MYB: variants seen among roughly 807,000 people sequenced by gnomAD.
MYB encodes the protein transcriptional activator Myb.
MYB carries 28 observed loss-of-function variants against 92.9 expected under a neutral mutation model. The observed-to-expected ratio is 0.30, with a 90% confidence interval of 0.22 to 0.41. MYB has a LOEUF of 0.41. Ranked by LOEUF, MYB falls within the 10% of genes least tolerant of loss-of-function variation. The probability of loss-of-function intolerance (pLI) is 1.00; values close to 1 mark genes in which losing one functional copy is unlikely to be tolerated. For synonymous variants in MYB, 295 were observed against 329.1 expected (o/e 0.90, Z 1.12); for missense variants, 679 against 929.3 (o/e 0.73, Z 3.50).
Position 135,217,977 on chromosome 6 carries a change from G to A in MYB, c.2283G>A (p.Met761Ile). The change falls in exon 16 of 16, where the codon ATG (methionine) becomes ATA (isoleucine). Residue 761 changes from methionine to isoleucine, a missense_variant. Transcript: ENST00000341911. ...VNAFSARTLV[M>I] ...CATTCTCAGCCCGGACGCTGGTCAT[G>A]TGAGACATTTCCAGAAAAGCATTAT... is the stretch of plus-strand genomic sequence containing the variant. 1 of 1,594,054 alleles carries A rather than the reference G, an allele frequency of 6.3e-7. No homozygotes were observed. Among genetic ancestry groups the A allele is most frequent in the Admixed American group, 1.7e-5 (1 of 59,976 alleles).
chr6:135,181,577 C>CG lies in MYB; in HGVS notation c.23+46dup. The CG allele has an allele frequency of 1.8e-6, 2 of 1,132,984 alleles. No homozygotes were observed. Among genetic ancestry groups the CG allele is most frequent in the Non-Finnish European group, 2.2e-6 (2 of 918,292 alleles). 70.2% of individuals were successfully genotyped at this position (1,132,984 alleles called of 1,614,324 possible). On this transcript the variant is annotated intron_variant, in intron 1 of 15. Coordinates refer to ENST00000341911, the MANE Select transcript of MYB (RefSeq NM_001130173.2). This position sits in a 1 kb window ranked among gnomAD's most constrained non-coding sequence, Gnocchi z 5.3. ...GCGGGCGGCCGAGGGCGGGGGCGCG[C>CG]GGGGGCGCGCGGGGCGCCAGGCTCC...
chr6:135,200,623 A>G, intron 13 of MYB: 1 of 676,086 alleles, frequency 1.5e-6, no homozygotes, highest in East Asian at 3.0e-5. Context: ...TATCTACTTC[A>G]TGTTTGGACA....
At position 135,193,934 on chromosome 6, in the gene MYB, A is replaced by T; in HGVS notation, c.843+16A>T. ...AGCCATTCAGGTAAGATCATTGATC[A>T]TTCACTGTTCAAAGCACCACTTTTA... is the stretch of plus-strand genomic sequence containing the variant. On this transcript the variant is annotated intron_variant, in intron 7 of 15. Transcript: ENST00000341911. The T allele has an allele frequency of 6.4e-7, 1 of 1,571,932 alleles. No individual in the cohort carries two copies. The highest frequency in any genetic ancestry group is 8.8e-7 in the Non-Finnish European group (1 of 1,141,850).
chr6:135,198,179 G>A lies in MYB; in HGVS notation c.1567-729G>A, dbSNP rs11962836. Among the ~76,000 whole-genome samples the A allele has an allele frequency of 8.4e-3, 1,286 of 152,266 alleles. 16 individuals are homozygous for A. The highest frequency in any genetic ancestry group is 0.03 in the African/African-American group (1,247 of 41,544). The stretch of plus-strand genomic sequence containing the variant: ...TTTCTTAGCTGGGCATAGTGGCATG[G>A]GCCTGTAGTCCTAGCTACTGGGGAA... On this transcript the variant is annotated intron_variant, in intron 10 of 15. Transcript: ENST00000341911.
In MYB at chr6:135,206,002, G is replaced by A. The variant is rs533454603; in HGVS notation, c.2169+2678G>A. The stretch of plus-strand genomic sequence containing the variant: ...GGGCGGATCACGAGGTCAGGAGATC[G>A]AGACCATCCTGGCTAACACGGTGAA... On this transcript the variant is annotated intron_variant, in intron 15 of 15. Coordinates refer to ENST00000341911, the MANE Select transcript of MYB (RefSeq NM_001130173.2). Among the ~76,000 whole-genome samples the A allele has an allele frequency of 2.0e-3, 310 of 151,904 alleles. 3 individuals are homozygous for A. The highest frequency in any genetic ancestry group is 3.2e-3 in the Non-Finnish European group (219 of 67,938).
chr6:135,213,688 C>T (rs1189798358), intron 15 of MYB, among the ~76,000 whole-genome samples: 1 of 152,102 alleles, frequency 6.6e-6, no homozygotes, highest in African/African-American at 2.4e-5. Context: ...TTGAGACTAG[C>T]CTGTGCAACA....
intron 10 of MYB, 74 bp from the exon 11 acceptor site, chr6:135,198,834 G>T: frequency 8.3e-7 from 1 of 1,205,450 alleles, no homozygotes; most frequent in Non-Finnish European, 1.2e-6. Context: ...TGTTATCTAG[G>T]TGTGATTTTT....
chr6:135,197,253 T>C lies in MYB; in HGVS notation c.1496T>C (p.Ile499Thr). 1 of 1,613,970 alleles carries C rather than the reference T, an allele frequency of 6.2e-7. No individual in the cohort carries two copies. The highest frequency in any genetic ancestry group is 1.3e-5 in the African/African-American group (1 of 75,042). ...PLATGDCSSF[I>T]FADVSSSTPK... ...GCCACTGGAGACTGTAGCTCCTTCA[T>C]ATTTGCTGACGTCAGCAGTTCAACT... The change falls in exon 10 of 16, where the codon ATA (isoleucine) becomes ACA (threonine). Residue 499 changes from isoleucine to threonine, a missense_variant. Ile to Thr is a moderately conservative substitution (Grantham distance 89, BLOSUM62 -1). Coordinates refer to ENST00000341911, the MANE Select transcript of MYB (RefSeq NM_001130173.2).
chr6:135,185,786 G>A, intron 1 of MYB, 117 bp from the exon 2 acceptor site: 2 of 839,116 alleles, frequency 2.4e-6, no homozygotes, highest in Non-Finnish European at 3.9e-6. Flanking sequence ...AGTTTTCAAA[G>A]TTTTGTCTTC....
intron 7 of MYB, 35 bp downstream of exon 7, chr6:135,193,953 A>G (rs1430099330): frequency 1.3e-6 from 2 of 1,487,870 alleles, no homozygotes; most frequent in African/African-American, 1.4e-5. Flanking sequence ...TCAAAGCACC[A>G]CTTTTAAGAA....
intron 5 of MYB, among the ~76,000 whole-genome samples, chr6:135,191,973 A>G (rs1776687909): frequency 6.6e-6 from 1 of 152,210 alleles, no homozygotes; most frequent in African/African-American, 2.4e-5. Flanking sequence ...TAATTTCCCC[A>G]AGGCAGCTGG....
chr6:135,192,180 T>C (rs1776717066), intron 5 of MYB, 144 bp from the exon 6 acceptor site: 1 of 653,162 alleles, frequency 1.5e-6, no homozygotes, highest in African/African-American at 1.8e-5. Flanking sequence ...TCTCAGAGGG[T>C]GGAGAAGAAG....
intron 15 of MYB, among the ~76,000 whole-genome samples, chr6:135,212,692 T>A (rs1182513583): frequency 6.6e-6 from 1 of 152,188 alleles, no homozygotes; most frequent in Non-Finnish European, 1.5e-5. Context: ...GAGTGACATG[T>A]CTGCAAGAGC....
At position 135,206,647 on chromosome 6, in the gene MYB, G is replaced by T. The variant is rs1330996345; in HGVS notation, c.2169+3323G>T. ...GGAGGTGAAAGTTGCAGTGAGCCCA[G>T]ATCGTGCCATTGAACTCCAGCCTAG... On this transcript the variant is annotated intron_variant, in intron 15 of 15. Transcript: ENST00000341911. Among the ~76,000 whole-genome samples the T allele has an allele frequency of 3.3e-5, 5 of 152,192 alleles. No individual in the cohort carries two copies. In the East Asian group the frequency reaches 7.7e-4, roughly 23 times the overall value.
chr6:135,197,228 G>C lies in MYB; in HGVS notation c.1471G>C (p.Ala491Pro). 12 of 1,614,002 alleles carry C rather than the reference G, an allele frequency of 7.4e-6. No individual in the cohort carries two copies. The highest frequency in any genetic ancestry group is 1.0e-5 in the Non-Finnish European group (12 of 1,179,894). Reference sequence around the variant, plus strand: ...AAAACGGGGCCAGGCCAGCCCCTTAGCCACTGGAGACTGTAGCTCCTTCAT... The same window carrying C: ...AAAACGGGGCCAGGCCAGCCCCTTACCCACTGGAGACTGTAGCTCCTTCAT... ...RKKRGQASPL[A>P]TGDCSSFIFA... Residue 491 changes from alanine (A) to proline (P), a missense_variant, in exon 10 of 16, where the codon GCC (alanine) becomes CCC (proline). This residue lies in a region of MYB where 402 missense variants were observed against 434.2 expected (regional missense o/e 0.93). Coordinates refer to ENST00000341911, the MANE Select transcript of MYB (RefSeq NM_001130173.2).
intron 1 of MYB, among the ~76,000 whole-genome samples, chr6:135,183,756 C>T (rs999232836): frequency 6.6e-6 from 1 of 152,228 alleles, no homozygotes; most frequent in Admixed American, 6.5e-5. Context: ...AGAAGTCACT[C>T]TCCACCTTGC....
intron 8 of MYB, chr6:135,195,331 C>CTCGGTGGTCGCCGTATCATTAAAAAA: frequency 3.9e-6 from 1 of 254,514 alleles, no homozygotes; most frequent in Non-Finnish European, 7.8e-6. Context: ...ATGTGTAGAT[C>CTCGGTGGTCGCCGTATCATTAAAAAA]AAAGCAACTC....
Position 135,181,462 on chromosome 6 carries a change from C to T in MYB, c.-52C>T. On this transcript the variant is annotated 5_prime_UTR_variant, in exon 1 of 16. Transcript: ENST00000341911. This position sits in a 1 kb window ranked among gnomAD's most constrained non-coding sequence, Gnocchi z 5.3. ...GCAGGCGGCGGGCAGCGGGAGGCGG[C>T]AGCCCGGTGCGGTCCCCGCGGCTCT... 9.0e-7 allele frequency: 1 copy of T among 1,107,460 alleles called. No homozygotes were observed. Among genetic ancestry groups the T allele is most frequent in the South Asian group, 3.7e-5 (1 of 26,952 alleles). 68.6% of individuals were successfully genotyped at this position (1,107,460 alleles called of 1,614,324 possible). A position where few individuals can be genotyped will look rare whatever the true frequency, so the allele number is the denominator to read the frequency against.
intron 10 of MYB, among the ~76,000 whole-genome samples, chr6:135,197,852 G>C (rs1407899337): frequency 6.6e-6 from 1 of 152,188 alleles, no homozygotes; most frequent in South Asian, 2.1e-4. Flanking sequence ...TTAAGGAAAA[G>C]AACATATTTT....
Sources: allele counts gnomAD v4.1 joint callset (sites outside exome capture counted in the v4.1 genomes callset), GRCh38; gene constraint gnomAD v4.1.1; regional missense constraint gnomAD v4.1.1; non-coding constraint Gnocchi (gnomAD v3.1); transcripts MANE v1.5; gene names NCBI Gene and HGNC (gene_info 2026-07-23, HGNC 2026-07-21).